Variants in ANKRD6 observed in about 807,000 individuals in gnomAD.
ANKRD6 encodes ankyrin repeat domain 6.
A neutral mutation model predicts 82.3 loss-of-function variants in ANKRD6; 56 were observed. The observed-to-expected ratio is 0.68, with a 90% CI of 0.55 to 0.85. ANKRD6 has a LOEUF of 0.85. ANKRD6 is among the 40% of genes least tolerant of loss of function. ANKRD6 has a pLI of 0.00. For missense variants in ANKRD6, 852 were observed against 907.6 expected (o/e 0.94, Z 0.79); for synonymous variants, 347 against 352.1 (o/e 0.99, Z 0.16).
At chr6:89,517,239 T>TCTGA (rs1300007403) in intron 1 of ANKRD6, among the ~76,000 whole-genome samples, 1 of 152,234 alleles carries the variant, frequency 6.6e-6, no homozygotes, top group African/African-American at 2.4e-5. Context: ...ATACAGTTGG[T>TCTGA]CTGACATAAA....
intron 1 of ANKRD6, among the ~76,000 whole-genome samples, chr6:89,516,001 A>G (rs1465117849): frequency 1.3e-5 from 2 of 152,218 alleles, no homozygotes; most frequent in Non-Finnish European, 2.9e-5. Context: ...ATTTTCCCCT[A>G]GAGCCTCTGA....
chr6:89,573,771 T>C (rs547330701), intron 2 of ANKRD6, among the ~76,000 whole-genome samples: 8 of 152,354 alleles, frequency 5.3e-5, no homozygotes, highest in Admixed American at 2.0e-4. Context: ...TTTGAACTTA[T>C]AGTGTTGCTG....
intron 1 of ANKRD6, among the ~76,000 whole-genome samples, chr6:89,496,770 A>G (rs1778677455): frequency 6.6e-6 from 1 of 152,120 alleles, no homozygotes; most frequent in African/African-American, 2.4e-5. Flanking sequence ...GTGATCCGGG[A>G]GAAAGATAAA....
At chr6:89,441,353 A>G (rs1292449077) in intron 1 of ANKRD6, among the ~76,000 whole-genome samples, 1 of 152,126 alleles carries the variant, frequency 6.6e-6, no homozygotes, top group Non-Finnish European at 1.5e-5. Flanking sequence ...GGGTTTGGCC[A>G]TGTTGGCCAG....
At chr6:89,498,420 A>G (rs1404517655) in intron 1 of ANKRD6, among the ~76,000 whole-genome samples, 1 of 152,130 alleles carries the variant, frequency 6.6e-6, no homozygotes, top group East Asian at 1.9e-4. Context: ...TCTGGGATAT[A>G]ATGATGTATA....
At chr6:89,456,515 G>A (rs1333711548) in intron 1 of ANKRD6, among the ~76,000 whole-genome samples, 2 of 152,064 alleles carry the variant, frequency 1.3e-5, no homozygotes, top group Non-Finnish European at 2.9e-5. Context: ...TGCATCCTTG[G>A]TGTCTCCAGT....
chr6:89,445,203 T>C (rs1253870454), intron 1 of ANKRD6, among the ~76,000 whole-genome samples: 1 of 152,058 alleles, frequency 6.6e-6, no homozygotes, highest in African/African-American at 2.4e-5. Flanking sequence ...CTCACAATAT[T>C]TCACACTTTT....
chr6:89,454,145 AT>A (rs1773228528), intron 1 of ANKRD6, among the ~76,000 whole-genome samples: 1 of 150,812 alleles, frequency 6.6e-6, no homozygotes, highest in East Asian at 2.0e-4. Flanking sequence ...TCATTTCTTC[AT>A]TTTTTTTCAT....
chr6:89,473,018 G>T (rs1775650476), intron 1 of ANKRD6, among the ~76,000 whole-genome samples: 1 of 151,970 alleles, frequency 6.6e-6, no homozygotes, highest in Non-Finnish European at 1.5e-5. Context: ...TCAAATTCAG[G>T]CATGCTATAT....
intron 10 of ANKRD6, 71 bp downstream of exon 10, chr6:89,622,097 C>A: frequency 6.9e-7 from 1 of 1,440,704 alleles, no homozygotes. Context: ...CTCCCTGCTT[C>A]GGCCAGGTTC....
chr6:89,469,431 A>G (rs1775208992), intron 1 of ANKRD6, among the ~76,000 whole-genome samples: 2 of 152,182 alleles, frequency 1.3e-5, no homozygotes, highest in Non-Finnish European at 2.9e-5. Context: ...GGAGTGGGTC[A>G]CTGCACACCC....
intron 1 of ANKRD6, among the ~76,000 whole-genome samples, chr6:89,531,557 C>T (rs767734780): frequency 5.9e-5 from 9 of 152,266 alleles, no homozygotes; most frequent in African/African-American, 1.2e-4. Context: ...CTCCTGGCTC[C>T]GTCATTGCCC....
At chr6:89,608,356 C>T (rs1042404558) in intron 5 of ANKRD6, among the ~76,000 whole-genome samples, 2 of 113,978 alleles carry the variant, frequency 1.8e-5, no homozygotes, top group East Asian at 2.3e-4. Flanking sequence ...CTCCCTAATA[C>T]ACACACACAC....
chr6:89,529,538 T>G (rs1245466324), intron 1 of ANKRD6, among the ~76,000 whole-genome samples: 3 of 152,266 alleles, frequency 2.0e-5, no homozygotes, highest in Non-Finnish European at 4.4e-5. Context: ...ATTATGCCTG[T>G]GTTCACTGGA....
intron 1 of ANKRD6, among the ~76,000 whole-genome samples, chr6:89,545,878 C>T (rs1309005839): frequency 1.3e-5 from 2 of 152,210 alleles, no homozygotes; most frequent in African/African-American, 2.4e-5. Flanking sequence ...AATCTTGGCT[C>T]ACTGCAAGCT....
chr6:89,545,212 CAAA>C (rs754348482), intron 1 of ANKRD6, among the ~76,000 whole-genome samples: 29 of 86,348 alleles, frequency 3.4e-4, no homozygotes, highest in Middle Eastern at 9.8e-3. Flanking sequence ...GACTCCATCT[CAAA>C]AAAAAAAAAA....
In ANKRD6 at chr6:89,603,152, C is replaced by T. The variant is rs565927590; in HGVS notation, c.318+25C>T. 4.4e-6 allele frequency: 7 copies of T among 1,574,718 alleles called. No individual in the cohort carries two copies. The East Asian group carries it at 7.0e-5, about 16-fold the overall frequency. On this transcript the variant is annotated intron_variant, in intron 4 of 15. Transcript: ENST00000339746. ...GGTGAGTGGACACTGAGCTTCCTTA[C>T]TCCCCAAGGCAAGGGAAGCCAGTGG...
intron 1 of ANKRD6, among the ~76,000 whole-genome samples, chr6:89,496,182 C>T (rs963580397): frequency 5.9e-5 from 9 of 151,802 alleles, no homozygotes; most frequent in Admixed American, 2.6e-4. Flanking sequence ...CACTGCCCCC[C>T]CCCCCACCAT....
At chr6:89,557,485 A>G (rs145930973) in intron 1 of ANKRD6, among the ~76,000 whole-genome samples, 63 of 152,296 alleles carry the variant, frequency 4.1e-4, no homozygotes, top group African/African-American at 1.3e-3. Flanking sequence ...TGAGGGAGGG[A>G]TGGTAGCAGG....
Sources: allele counts gnomAD v4.1 joint callset (sites outside exome capture counted in the v4.1 genomes callset), GRCh38; gene constraint gnomAD v4.1.1; transcripts MANE v1.5; gene names NCBI Gene and HGNC (gene_info 2026-07-23, HGNC 2026-07-21).